PIK3R2: variants seen among roughly 807,000 people sequenced by gnomAD.
PIK3R2 encodes phosphatidylinositol 3-kinase regulatory subunit beta.
Under a neutral mutation model 78.5 loss-of-function variants are expected in PIK3R2, and 40 were observed. The ratio of observed to expected loss-of-function variants is 0.51; its 90% CI spans 0.40 to 0.66. PIK3R2 has a LOEUF of 0.66. PIK3R2 is among the 30% of genes least tolerant of loss of function. PIK3R2 has a pLI of 0.00. For missense variants in PIK3R2, 880 were observed against 1,026.6 expected, an observed-to-expected ratio of 0.86 and a Z score of 1.95; for synonymous variants, 473 against 457.7, an observed-to-expected ratio of 1.03 and a Z score of -0.43.
In PIK3R2 at chr19:18,166,094, C is replaced by G. The variant is rs775155538; in HGVS notation, c.1417-66C>G. The G allele has an allele frequency of 1.2e-5, 20 of 1,604,152 alleles. No homozygotes were observed. In the South Asian group the frequency reaches 2.0e-4, roughly 16 times the overall value. The stretch of plus-strand genomic sequence containing the variant: ...GTCTCCGTATCAGAGTTGAGATGTG[C>G]CTTTACCCCTCACGAGGGCCTTTTG... On this transcript the variant is annotated intron_variant, in intron 11 of 15. Transcript: ENST00000222254.
In PIK3R2 at chr19:18,162,955, C is replaced by G. The variant is rs2043766763; in HGVS notation, c.1110-12C>G. The G allele has an allele frequency of 6.2e-7, 1 of 1,611,498 alleles. No homozygotes were observed. Among genetic ancestry groups the G allele is most frequent in the East Asian group, 2.2e-5 (1 of 44,806 alleles). ...GGTCCCACTGGGTGCCGACACCCCT[C>G]TCCTCCCCCAGGAAAGGCGGGAACA... On this transcript the variant is annotated splice_polypyrimidine_tract_variant and intron_variant, in intron 9 of 15. Transcript: ENST00000222254.
chr19:18,155,777 C>A lies in PIK3R2; in HGVS notation c.-103C>A. ...GCTGGAGATAGAGGTCCCAGCACCC[C>A]AAGCCAACCCAGCGGACCCTCCCAG... On this transcript the variant is annotated 5_prime_UTR_variant, in exon 2 of 16. Transcript: ENST00000222254. 9.0e-7 allele frequency: 1 copy of A among 1,112,766 alleles called. No individual in the cohort carries two copies. Among genetic ancestry groups the A allele is most frequent in the South Asian group, 1.7e-5 (1 of 60,070 alleles). 68.9% of individuals were successfully genotyped at this position (1,112,766 alleles called of 1,614,324 possible). A position where few individuals can be genotyped will look rare whatever the true frequency, so the allele number is the denominator to read the frequency against.
intron 11 of PIK3R2, among the ~76,000 whole-genome samples, chr19:18,164,151 A>AC: frequency 6.6e-6 from 1 of 152,272 alleles, no homozygotes; most frequent in Admixed American, 6.5e-5. Flanking sequence ...ATTAAAATAA[A>AC]AAAATAAGTG....
intron 2 of PIK3R2, among the ~76,000 whole-genome samples, chr19:18,157,734 CTTTTT>C (rs55946610): frequency 7.9e-6 from 1 of 127,086 alleles, no homozygotes; most frequent in Non-Finnish European, 1.6e-5. Flanking sequence ...TGTCCTTTTC[CTTTTT>C]TTTTTTTTTT....
At position 18,156,073 on chromosome 19, in the gene PIK3R2, G is replaced by A. The variant is rs374448993; in HGVS notation, c.194G>A (p.Arg65Gln). 1.3e-4 allele frequency: 208 copies of A among 1,562,040 alleles called. No individual in the cohort carries two copies. Among genetic ancestry groups the A allele is most frequent in the Non-Finnish European group, 1.7e-4 (191 of 1,154,220 alleles). The change falls in exon 2 of 16, where the codon CGG (arginine) becomes CAG (glutamine). Residue 65 changes from arginine (R) to glutamine (Q), a missense_variant. This residue lies in a region of PIK3R2 where 456 missense variants were observed against 486.6 expected (regional missense o/e 0.94). Coordinates refer to ENST00000222254, the MANE Select transcript of PIK3R2 (RefSeq NM_005027.4). The surrounding 1 kb of genome is among the most constrained non-coding windows in gnomAD (Gnocchi z 4.2). ...GWMPGLNERT[R>Q]QRGDFPGTYV... is the part of the protein sequence containing the mutation. Reference sequence around the variant, plus strand: ...ATGCCCGGCCTCAACGAGCGCACACGGCAGCGAGGTGACTTCCCTGGCACC... The same window carrying A: ...ATGCCCGGCCTCAACGAGCGCACACAGCAGCGAGGTGACTTCCCTGGCACC...
At chr19:18,158,293 A>T (rs2043700323) in intron 2 of PIK3R2, among the ~76,000 whole-genome samples, 2 of 152,154 alleles carry the variant, frequency 1.3e-5, no homozygotes, top group Admixed American at 1.3e-4. Flanking sequence ...GTTCAAGACC[A>T]GCCTGGCCAA....
In PIK3R2 at chr19:18,163,344, C is replaced by A. The variant is rs763448968; in HGVS notation, c.1372C>A (p.Arg458Ser). ...VYHQQYQDKSREYDQLYEEYT... is the reference protein window; with the variant it reads ...VYHQQYQDKSSEYDQLYEEYT... ...TCACCAGCAGTACCAGGACAAGAGCCGCGAGTATGACCAGCTTTATGAAGA... is the reference window on the plus strand; with the variant it reads ...TCACCAGCAGTACCAGGACAAGAGCAGCGAGTATGACCAGCTTTATGAAGA... The change falls in exon 11 of 16, where the codon CGC (arginine) becomes AGC (serine). Residue 458 changes from arginine (R) to serine (S), a missense_variant. Physicochemically the swap from Arg to Ser is moderately radical, Grantham distance 110 (BLOSUM62 -1). Around this residue, in one of 3 missense-constraint regions of PIK3R2, gnomAD observed 156 missense variants for 241.0 expected, o/e 0.65. Coordinates refer to ENST00000222254, the MANE Select transcript of PIK3R2 (RefSeq NM_005027.4). The A allele has an allele frequency of 1.2e-6, 2 of 1,613,980 alleles. No homozygotes were observed. Among genetic ancestry groups the A allele is most frequent in the Non-Finnish European group, 1.7e-6 (2 of 1,179,986 alleles).
chr19:18,162,534 C>T (rs755040078), intron 9 of PIK3R2, 28 bp downstream of exon 9: 8 of 1,586,526 alleles, frequency 5.0e-6, no homozygotes, highest in South Asian at 2.2e-5. Flanking sequence ...CAAGGATAAC[C>T]GGGGGTCACA....
At chr19:18,166,814 A>G (rs1158239016) in intron 12 of PIK3R2, among the ~76,000 whole-genome samples, 1 of 152,002 alleles carries the variant, frequency 6.6e-6, no homozygotes, top group African/African-American at 2.4e-5. Context: ...CTGGAAGCAC[A>G]TAGTCTGGTG....
At chr19:18,159,740 C>T (rs575542094) in intron 2 of PIK3R2, among the ~76,000 whole-genome samples, 8 of 151,910 alleles carry the variant, frequency 5.3e-5, no homozygotes, top group African/African-American at 1.9e-4. Context: ...CCACCGCACC[C>T]GGCCTGTTGA....
At position 18,155,980 on chromosome 19, in the gene PIK3R2, G is replaced by T. The variant is rs1187227922; in HGVS notation, c.101G>T (p.Ser34Ile). 6.4e-7 allele frequency: 1 copy of T among 1,561,862 alleles called. No homozygotes were observed. The highest frequency in any genetic ancestry group is 8.7e-7 in the Non-Finnish European group (1 of 1,153,554). The change falls in exon 2 of 16, where the codon AGC (serine) becomes ATC (isoleucine). Residue 34 changes from serine (S) to isoleucine (I), a missense_variant. Physicochemically the swap from Ser to Ile is moderately radical, Grantham distance 142 (BLOSUM62 -2). Around this residue, in one of 3 missense-constraint regions of PIK3R2, gnomAD observed 456 missense variants for 486.6 expected, o/e 0.94. Coordinates refer to ENST00000222254, the MANE Select transcript of PIK3R2 (RefSeq NM_005027.4). ...ELLPGDVLVV[S>I]RAALQALGVA... ...CTGCCCGGCGACGTGCTGGTAGTGAGCCGGGCGGCCTTGCAGGCGCTGGGC... is the reference window on the plus strand; with the variant it reads ...CTGCCCGGCGACGTGCTGGTAGTGATCCGGGCGGCCTTGCAGGCGCTGGGC...
chr19:18,166,427 T>A, intron 12 of PIK3R2, 125 bp downstream of exon 12: 2 of 781,912 alleles, frequency 2.6e-6, no homozygotes, highest in East Asian at 5.3e-5. Context: ...AAATGGACTT[T>A]GGGCCTGGTG....
chr19:18,154,204 A>G (rs970019574), intron 1 of PIK3R2, among the ~76,000 whole-genome samples: 9 of 152,174 alleles, frequency 5.9e-5, no homozygotes, highest in African/African-American at 1.9e-4. Context: ...AGCCCTGTCC[A>G]TCACAGGGCG....
intron 3 of PIK3R2, 61 bp downstream of exon 3, chr19:18,160,624 C>G: frequency 7.7e-7 from 1 of 1,294,314 alleles, no homozygotes; most frequent in Non-Finnish European, 1.1e-6. Context: ...TGACAGGCGA[C>G]TCATCCTCTC....
At position 18,161,829 on chromosome 19, in the gene PIK3R2, C is replaced by T. The variant is rs1404337325; in HGVS notation, c.816-137C>T. 2.3e-5 allele frequency: 16 copies of T among 687,460 alleles called. No homozygotes were observed. The highest frequency in any genetic ancestry group is 5.4e-5 in the East Asian group (2 of 37,020). The allele number at this position is 687,460 out of a possible 1,614,324, so 42.6% of individuals were successfully genotyped here. On this transcript the variant is annotated intron_variant, in intron 6 of 15. Transcript: ENST00000222254. The surrounding 1 kb of genome is among the most constrained non-coding windows in gnomAD (Gnocchi z 5.3). ...GAGGGAGCTGGCCTCGCACATGTGC[C>T]TGTATCATCTCCTCCTCCGCCCTGC...
At chr19:18,163,190 G>A in intron 10 of PIK3R2, 43 bp downstream of exon 10, 1 of 1,613,286 alleles carries the variant, frequency 6.2e-7, no homozygotes, top group Non-Finnish European at 8.5e-7. Context: ...CACCTGGCTG[G>A]CCCCAGGCCT....
Position 18,155,640 on chromosome 19 carries a change from C to G in PIK3R2, c.-240C>G, listed in dbSNP as rs2043669356. 2 of 543,240 alleles carry G rather than the reference C, an allele frequency of 3.7e-6. No individual in the cohort carries two copies. Among genetic ancestry groups the G allele is most frequent in the East Asian group, 6.7e-5 (2 of 29,926 alleles). 33.7% of individuals were successfully genotyped at this position (543,240 alleles called of 1,614,324 possible). On this transcript the variant is annotated 5_prime_UTR_variant, in exon 2 of 16. Coordinates refer to ENST00000222254, the MANE Select transcript of PIK3R2 (RefSeq NM_005027.4). ...GCCCAGTGACCTGACACCACACCACCAACTCCCTCCCACCAGCTGACGAAT... is the reference window on the plus strand; with the variant it reads ...GCCCAGTGACCTGACACCACACCACGAACTCCCTCCCACCAGCTGACGAAT...
chr19:18,161,429 T>C lies in PIK3R2; in HGVS notation c.749T>C (p.Phe250Ser). The C allele has an allele frequency of 8.3e-7, 1 of 1,211,096 alleles. No individual in the cohort carries two copies. The highest frequency in any genetic ancestry group is 1.0e-6 in the Non-Finnish European group (1 of 977,052). 75.0% of individuals were successfully genotyped at this position (1,211,096 alleles called of 1,614,324 possible). ...GCGGTCCGGGCCCTGGGCGCCACCTTTGGGCCGCTGCTGCTGCGCGCGCCG... is the reference window on the plus strand; with the variant it reads ...GCGGTCCGGGCCCTGGGCGCCACCTCTGGGCCGCTGCTGCTGCGCGCGCCG... The part of the protein sequence containing the change: ...GPAVRALGAT[F>S]GPLLLRAPPP... Residue 250 changes from phenylalanine to serine, a missense_variant, in exon 6 of 16, where the codon TTT becomes TCT. Around this residue, in one of 3 missense-constraint regions of PIK3R2, gnomAD observed 456 missense variants for 486.6 expected, o/e 0.94. Transcript: ENST00000222254. This position sits in a 1 kb window ranked among gnomAD's most constrained non-coding sequence, Gnocchi z 5.3.
rs1011337615 is a variant in PIK3R2, at chr19:18,156,021, G to A, written c.142G>A (p.Glu48Lys). The A allele has an allele frequency of 5.8e-6, 9 of 1,558,766 alleles. No homozygotes were observed. The highest frequency in any genetic ancestry group is 7.8e-6 in the Non-Finnish European group (9 of 1,151,818). Residue 48 changes from glutamate to lysine, a missense_variant, in exon 2 of 16, where the codon GAG becomes AAG. Glu to Lys is a moderately conservative substitution (Grantham distance 56). This residue lies in a region of PIK3R2 where 456 missense variants were observed against 486.6 expected (regional missense o/e 0.94). Transcript: ENST00000222254. This position sits in a 1 kb window ranked among gnomAD's most constrained non-coding sequence, Gnocchi z 4.2. The part of the protein sequence containing the change: ...LQALGVAEGG[E>K]RCPQSVGWMP... ...GGCGCTGGGCGTGGCCGAGGGTGGC[G>A]AGCGCTGCCCACAGAGCGTGGGCTG...
Sources: gnomAD v4.1 joint callset for allele counts (sites outside exome capture counted in the v4.1 genomes callset) on GRCh38, gnomAD v4.1.1 for gene constraint, gnomAD v4.1.1 regional missense constraint, Gnocchi (gnomAD v3.1) non-coding constraint, MANE v1.5 for transcripts, NCBI Gene and HGNC (gene_info 2026-07-23, HGNC 2026-07-21) for gene names.